The following ZFYVE26 variants were observed in gnomAD, a reference collection of about 807,000 sequenced individuals.
ZFYVE26 encodes the protein zinc finger FYVE domain-containing protein 26.
In ZFYVE26, 181 loss-of-function variants were observed where a neutral mutation model predicts 276.5. That is an observed-to-expected ratio of 0.65 (90% CI 0.58 to 0.74). ZFYVE26 has a LOEUF of 0.74. Among genes scored for constraint, ZFYVE26 ranks in the 30% least tolerant of loss-of-function variants. The probability of loss-of-function intolerance (pLI) is 0.00; values close to 1 mark genes in which losing one functional copy is unlikely to be tolerated. For synonymous variants in ZFYVE26, 1,129 were observed against 1,203.1 expected (o/e 0.94, Z 1.27); for missense variants, 2,821 against 3,097.9 (o/e 0.91, Z 2.12).
chr14:67,792,850 T>G (rs1358347900), intron 14 of ZFYVE26, among the ~76,000 whole-genome samples: 1 of 133,018 alleles, frequency 7.5e-6, no homozygotes, highest in African/African-American at 2.9e-5. Flanking sequence ...AGGTGGAGGT[T>G]GCAGTGAGCT....
rs1248237259 is a variant in ZFYVE26, at chr14:67,784,324, T to C, written c.3626+10A>G. 2 of 1,612,476 alleles carry C rather than the reference T, an allele frequency of 1.2e-6. No individual in the cohort carries two copies. The highest frequency in any genetic ancestry group is 2.2e-5 in the South Asian group (2 of 91,062). ...GGCCCATGGCTGACTTGCATGGAGG[T>C]GGCTCCTACCTCTCTGGGGGAACTT... On this transcript the variant is annotated intron_variant, in intron 20 of 41. Coordinates refer to ENST00000347230, the MANE Select transcript of ZFYVE26 (RefSeq NM_015346.4).
rs139240690 is a variant in ZFYVE26 at position 67,807,470 on chromosome 14, G to A, written c.814C>T (p.Leu272=). ...GCATAGGTATGGCCATACAGGGACA[G>A]CAGGCCCCGGCTGGCCTTGTGCAGC... ...CLLHKASRGL[L]SLYGHTYAEK... Residue 272 remains leucine (L), a synonymous_variant, in exon 5 of 42, where the codon CTG becomes TTG. Coordinates refer to ENST00000347230, the MANE Select transcript of ZFYVE26 (RefSeq NM_015346.4). 2 of 1,614,158 alleles carry A rather than the reference G, an allele frequency of 1.2e-6. No individual in the cohort carries two copies. Among genetic ancestry groups the A allele is most frequent in the African/African-American group, 2.7e-5 (2 of 75,058 alleles).
At chr14:67,761,818 T>A in intron 34 of ZFYVE26, 3 of 586,172 alleles carry the variant, frequency 5.1e-6, no homozygotes, top group Non-Finnish European at 9.0e-6. Context: ...TTCATAATTT[T>A]TCAGTGTCAA....
intron 3 of ZFYVE26, 148 bp downstream of exon 3, chr14:67,813,838 C>T (rs934144513): frequency 2.9e-6 from 2 of 687,650 alleles, no homozygotes; most frequent in African/African-American, 3.6e-5. Context: ...GGTAAGGAGA[C>T]AGCAATAAAA....
At chr14:67,791,578 T>A (rs756110686) in intron 14 of ZFYVE26, among the ~76,000 whole-genome samples, 54 of 152,064 alleles carry the variant, frequency 3.6e-4, no homozygotes, top group Non-Finnish European at 6.3e-4. Flanking sequence ...TTTATTTTCT[T>A]GTTAATACTT....
At chr14:67,742,838 C>CTTCTTTTTTTTTTTTTTTTTTTTT (rs769663149), downstream of ZFYVE26, among the ~76,000 whole-genome samples, 5 of 89,768 alleles carry the variant, frequency 5.6e-5, no homozygotes, top group Non-Finnish European at 4.0e-5. Context: ...TCTTCTTCTT[C>CTTCTTTTTTTTTTTTTTTTTTTTT]TTTTTTTTTT....
chr14:67,793,971 T>C (rs1382797616), intron 13 of ZFYVE26, among the ~76,000 whole-genome samples, 200 bp downstream of exon 13: 1 of 152,212 alleles, frequency 6.6e-6, no homozygotes, highest in African/African-American at 2.4e-5. Flanking sequence ...CTTTGGGTAT[T>C]TACCTCTATT....
intron 32 of ZFYVE26, among the ~76,000 whole-genome samples, chr14:67,764,996 T>G (rs1440295030): frequency 3.9e-5 from 6 of 152,232 alleles, no homozygotes; most frequent in Non-Finnish European, 7.3e-5. Context: ...TACTTTTGCC[T>G]TAAGTCTTTT....
chr14:67,777,496 C>A (rs2039375662), intron 25 of ZFYVE26, 63 bp downstream of exon 25: 3 of 1,611,416 alleles, frequency 1.9e-6, no homozygotes. Flanking sequence ...CTTCCCAACA[C>A]CTCCTTTTCC....
intron 24 of ZFYVE26, 82 bp from the exon 25 acceptor site, chr14:67,777,817 T>G: frequency 6.4e-7 from 1 of 1,552,944 alleles, no homozygotes; most frequent in Non-Finnish European, 8.9e-7. Context: ...GAATAGAATA[T>G]TTAGGTTTAC....
At chr14:67,795,149 C>G (rs2039922689) in intron 12 of ZFYVE26, among the ~76,000 whole-genome samples, 1 of 152,186 alleles carries the variant, frequency 6.6e-6, no homozygotes, top group East Asian at 1.9e-4. Flanking sequence ...CACCTCAGTT[C>G]ACTGTTTGGA....
intron 32 of ZFYVE26, among the ~76,000 whole-genome samples, 171 bp from the exon 33 acceptor site, chr14:67,762,990 C>T (rs2038972893): frequency 6.6e-6 from 1 of 152,230 alleles, no homozygotes; most frequent in Non-Finnish European, 1.5e-5. Flanking sequence ...GCAACCACCG[C>T]CTCCTGGGTT....
intron 10 of ZFYVE26, among the ~76,000 whole-genome samples, chr14:67,800,604 AGTT>A (rs1198502040): frequency 6.6e-6 from 1 of 152,144 alleles, no homozygotes; most frequent in Admixed American, 6.6e-5. Context: ...ATATTGATCC[AGTT>A]GTTATAGTGA....
chr14:67,805,219 G>C lies in ZFYVE26; in HGVS notation c.1269C>G (p.Ser423Arg). The change falls in exon 8 of 42, where the codon AGC becomes AGG. Residue 423 changes from serine (S) to arginine (R), a missense_variant and splice_region_variant. Physicochemically the swap from Ser to Arg is moderately radical, Grantham distance 110. Coordinates refer to ENST00000347230, the MANE Select transcript of ZFYVE26 (RefSeq NM_015346.4). ...LEVLEWCIQQ[S>R]SNPIPKRDLL... is the part of the protein sequence containing the mutation. ...GCGCTGACTGCACAGGGCCATACCT[G>C]CTCTGCTGTATGCACCACTCCAGGA... The C allele has an allele frequency of 6.2e-7, 1 of 1,613,714 alleles. No homozygotes were observed. The highest frequency in any genetic ancestry group is 8.5e-7 in the Non-Finnish European group (1 of 1,179,882).
At chr14:67,804,020 C>A (rs2040128248) in intron 9 of ZFYVE26, 81 bp downstream of exon 9, 4 of 1,579,474 alleles carry the variant, frequency 2.5e-6, no homozygotes, top group Non-Finnish European at 3.5e-6. Context: ...GCAATCACAT[C>A]TGGATAAATC....
intron 16 of ZFYVE26, 29 bp from the exon 17 acceptor site, chr14:67,786,262 CA>C (rs10525614): frequency 4.8e-3 from 6,008 of 1,261,508 alleles, no homozygotes; most frequent in Admixed American, 8.8e-3. Flanking sequence ...AGAGGGAATG[CA>C]AAAAAAAAAA....
At chr14:67,799,954 C>T (rs1162810914) in intron 10 of ZFYVE26, among the ~76,000 whole-genome samples, 3 of 152,084 alleles carry the variant, frequency 2.0e-5, no homozygotes, top group African/African-American at 7.2e-5. Context: ...CTGTGATGTG[C>T]GTTGTCTGTT....
chr14:67,751,005 G>C, intron 41 of ZFYVE26, 47 bp downstream of exon 41: 1 of 1,612,170 alleles, frequency 6.2e-7, no homozygotes, highest in African/African-American at 1.3e-5. Context: ...GCAAGCCTGA[G>C]ACACAATTCA....
At position 67,766,465 on chromosome 14, in the gene ZFYVE26, A is replaced by C; in HGVS notation, c.5791-18T>G. ...CTGGGGGCCTGGCCGGGGTGGAAGA[A>C]GGGAGAACACACGGTGAGTCCAGGG... On this transcript the variant is annotated intron_variant, in intron 31 of 41. Transcript: ENST00000347230. 6.2e-7 allele frequency: 1 copy of C among 1,611,112 alleles called. No homozygotes were observed. Among genetic ancestry groups the C allele is most frequent in the Non-Finnish European group, 8.5e-7 (1 of 1,179,006 alleles).
Sources: allele counts gnomAD v4.1 joint callset (sites outside exome capture counted in the v4.1 genomes callset), GRCh38; gene constraint gnomAD v4.1.1; transcripts MANE v1.5; gene names NCBI Gene and HGNC (gene_info 2026-07-23, HGNC 2026-07-21).